The following WDR41 variants were observed in gnomAD, a reference collection of about 807,000 sequenced individuals.
The protein encoded by WDR41 is WD repeat domain 41, also known as WD repeat-containing protein 41.
In WDR41, 63 loss-of-function variants were observed where a neutral mutation model predicts 69.3. The observed-to-expected ratio is 0.91, with a 90% CI of 0.74 to 1.12. WDR41 has a LOEUF of 1.12. Among genes scored for constraint, WDR41 ranks in the 50% most tolerant of loss-of-function variants. WDR41 has a pLI of 0.00. For synonymous variants in WDR41, 185 were observed against 192.1 expected, an observed-to-expected ratio of 0.96 and a Z score of 0.31; for missense variants, 543 against 534.5, an observed-to-expected ratio of 1.02 and a Z score of -0.16.
At chr5:77,582,314 T>G (rs13176191) in intron 1 of WDR41, 10 of 1,456,782 alleles carry the variant, frequency 6.9e-6, no homozygotes, top group South Asian at 2.3e-5. Context: ...TGCATAGATA[T>G]ATAACAAGTT....
intron 1 of WDR41, among the ~76,000 whole-genome samples, chr5:77,583,953 A>G (rs1212817631): frequency 2.0e-5 from 3 of 152,238 alleles, no homozygotes; most frequent in African/African-American, 4.8e-5. Flanking sequence ...CCCAAAATCA[A>G]TTAATGTAAT....
intron 2 of WDR41, among the ~76,000 whole-genome samples, chr5:77,478,540 T>C (rs975050689): frequency 6.6e-6 from 1 of 152,208 alleles, no homozygotes; most frequent in African/African-American, 2.4e-5. Flanking sequence ...TCAATAAATG[T>C]AATCCATCAT....
At chr5:77,506,480 G>T (rs984438446) in intron 1 of WDR41, among the ~76,000 whole-genome samples, 3 of 152,144 alleles carry the variant, frequency 2.0e-5, no homozygotes, top group African/African-American at 7.2e-5. Context: ...ACAGTGTGGC[G>T]ATTCCTCAAG....
intron 1 of WDR41, among the ~76,000 whole-genome samples, chr5:77,510,460 T>C (rs1305415320): frequency 1.3e-5 from 2 of 152,060 alleles, no homozygotes; most frequent in Non-Finnish European, 2.9e-5. Context: ...ACTTAACCAA[T>C]TAGGAAATGA....
intron 1 of WDR41, among the ~76,000 whole-genome samples, chr5:77,594,709 C>A (rs115784772): frequency 6.6e-6 from 1 of 152,072 alleles, no homozygotes; most frequent in African/African-American, 2.4e-5. Flanking sequence ...TCTATGGTAA[C>A]GTAACAGAGC....
chr5:77,437,735 C>T (rs1799001024), intron 10 of WDR41, among the ~76,000 whole-genome samples: 1 of 152,116 alleles, frequency 6.6e-6, no homozygotes, highest in Non-Finnish European at 1.5e-5. Flanking sequence ...CCTCTTGCTA[C>T]CTCTCTTCTC....
chr5:77,449,576 A>T (rs1300799133), intron 8 of WDR41, among the ~76,000 whole-genome samples, 184 bp downstream of exon 8: 1 of 152,206 alleles, frequency 6.6e-6, no homozygotes, highest in Non-Finnish European at 1.5e-5. Context: ...CCTAAATCTT[A>T]GACCTAGCAA....
At chr5:77,608,085 C>A (rs1355621514) in intron 1 of WDR41, among the ~76,000 whole-genome samples, 1 of 152,176 alleles carries the variant, frequency 6.6e-6, no homozygotes, top group African/African-American at 2.4e-5. Context: ...CGATTCTCCC[C>A]CTACAAACCC....
intron 1 of WDR41, among the ~76,000 whole-genome samples, chr5:77,548,289 A>G (rs1743234021): frequency 1.3e-5 from 2 of 152,244 alleles, no homozygotes; most frequent in Admixed American, 1.3e-4. Context: ...GCTGGGACTT[A>G]ATTAAACTAA....
chr5:77,577,437 C>T (rs1171365229), intron 1 of WDR41, among the ~76,000 whole-genome samples: 1 of 151,588 alleles, frequency 6.6e-6, no homozygotes, highest in African/African-American at 2.4e-5. Flanking sequence ...TCAAGAGATG[C>T]AAATTAATAA....
At chr5:77,471,482 C>T (rs1222821502) in intron 2 of WDR41, among the ~76,000 whole-genome samples, 2 of 152,108 alleles carry the variant, frequency 1.3e-5, no homozygotes, top group African/African-American at 4.8e-5. Flanking sequence ...ATTAATGAAT[C>T]CCGGAACCGG....
At chr5:77,509,445 A>G (rs1244020999) in intron 1 of WDR41, among the ~76,000 whole-genome samples, 1 of 152,220 alleles carries the variant, frequency 6.6e-6, no homozygotes, top group Admixed American at 6.5e-5. Flanking sequence ...ACTATTCATC[A>G]TACTCAAAAG....
intron 1 of WDR41, among the ~76,000 whole-genome samples, chr5:77,594,468 TAAATACA>T (rs999325612): frequency 2.0e-5 from 3 of 151,974 alleles, no homozygotes; most frequent in Non-Finnish European, 4.4e-5. Context: ...AATAAATAAT[TAAATACA>T]TCTTGGCATA....
chr5:77,583,250 C>T (rs1467347204), intron 1 of WDR41: 4 of 628,372 alleles, frequency 6.4e-6, no homozygotes, highest in East Asian at 2.8e-5. Flanking sequence ...GGCCAGGCGC[C>T]GTCCCTGTTA....
At chr5:77,517,233 AC>A (rs961435785) in intron 1 of WDR41, among the ~76,000 whole-genome samples, 15 of 152,088 alleles carry the variant, frequency 9.9e-5, no homozygotes, top group Non-Finnish European at 2.2e-4. Context: ...ATCTAGGGGA[AC>A]TGCTACTAGT....
At chr5:77,474,963 C>G (rs988832261) in intron 2 of WDR41, among the ~76,000 whole-genome samples, 15 of 152,250 alleles carry the variant, frequency 9.9e-5, no homozygotes, top group Non-Finnish European at 1.9e-4. Flanking sequence ...GTGCGTGCAC[C>G]GTGCGCGAGC....
intron 9 of WDR41, among the ~76,000 whole-genome samples, chr5:77,439,644 T>C (rs1264292836): frequency 6.6e-6 from 1 of 152,194 alleles, no homozygotes; most frequent in Non-Finnish European, 1.5e-5. Context: ...ATGGGGATGC[T>C]ATCCCCGCTA....
rs756526951 is a variant in WDR41, at chr5:77,436,296, T to G, written c.1192A>C (p.Ile398Leu). 1 of 1,614,114 alleles carries G rather than the reference T, an allele frequency of 6.2e-7. No homozygotes were observed. The highest frequency in any genetic ancestry group is 1.1e-5 in the South Asian group (1 of 91,076). The change falls in exon 12 of 13, where the codon ATT (isoleucine) becomes CTT (leucine). Residue 398 changes from isoleucine to leucine, a missense_variant. Physicochemically the swap from Ile to Leu is conservative, Grantham distance 5 (BLOSUM62 2). Coordinates refer to ENST00000296679, the MANE Select transcript of WDR41 (RefSeq NM_018268.4). ...GATGAGTGTCCAATCAAATCTCCAA[T>G]AAGCTCCAGTGAACATGAAGTAGCA... The part of the protein sequence containing the change: ...ENATSCSLEL[I>L]GDLIGHSSSV...
intron 1 of WDR41, among the ~76,000 whole-genome samples, chr5:77,593,919 T>A (rs986109139): frequency 6.6e-6 from 1 of 152,190 alleles, no homozygotes; most frequent in Admixed American, 6.5e-5. Flanking sequence ...TATTAAATCT[T>A]CTTAAATCTA....
Sources: allele counts gnomAD v4.1 joint callset (sites outside exome capture counted in the v4.1 genomes callset), GRCh38; gene constraint gnomAD v4.1.1; transcripts MANE v1.5; gene names NCBI Gene and HGNC (gene_info 2026-07-23, HGNC 2026-07-21).